AQP7: variants seen among roughly 807,000 people sequenced by gnomAD.
AQP7 encodes aquaporin-7.
Under a neutral mutation model 26.1 loss-of-function variants are expected in AQP7, and 22 were observed. The observed-to-expected ratio is 0.84, with a 90% confidence interval of 0.60 to 1.20. The LOEUF is 1.20. Ranked by LOEUF, AQP7 falls within the 50% of genes most tolerant of loss-of-function variation. AQP7 has a pLI of 0.00. For synonymous variants in AQP7, 167 were observed against 181.7 expected (o/e 0.92, Z 0.65); for missense variants, 412 against 457.5 (o/e 0.90, Z 0.91).
rs1824592017 is a variant in AQP7 at position 33,384,925 on chromosome 9, G to A, written c.*80C>T. ...CCAGGAGGGAAGCCCAACCACAGGA[G>A]GCCCCCAGGAAGTGGGGGTACTGCT... On this transcript the variant is annotated 3_prime_UTR_variant, in exon 8 of 8. Coordinates refer to ENST00000297988, the MANE Select transcript of AQP7 (RefSeq NM_001170.3). 13 of 1,467,758 alleles carry A rather than the reference G, an allele frequency of 8.9e-6. No homozygotes were observed. The highest frequency in any genetic ancestry group is 1.2e-5 in the Non-Finnish European group (13 of 1,079,738). 90.9% of individuals were successfully genotyped at this position (1,467,758 alleles called of 1,614,324 possible). A position where few individuals can be genotyped will look rare whatever the true frequency, so the allele number is the denominator to read the frequency against.
At position 33,395,086 on chromosome 9, in the gene AQP7, CAT is replaced by C; in HGVS notation, c.134_135del (p.Tyr45CysfsTer17). 1 of 1,612,520 alleles carries C rather than the reference CAT, an allele frequency of 6.2e-7. No homozygotes were observed. The highest frequency in any genetic ancestry group is 1.1e-5 in the South Asian group (1 of 91,046). On this transcript the variant is annotated frameshift_variant, in exon 3 of 8. Transcript: ENST00000297988. LOFTEE classifies it high-confidence loss of function. Reference protein sequence around the residue: ...REFLAEFMSTYVMMVFGLGSV... With the variant: ...REFLAEFMSTXVMMVFGLGSV... ...GCTGCCCACCCACTCACCATCATGA[CAT>C]ATGTGCTCATGAACTCGGCCAGGAA...
chr9:33,388,181 G>C (rs1219176295), intron 3 of AQP7, among the ~76,000 whole-genome samples: 7 of 152,240 alleles, frequency 4.6e-5, no homozygotes, highest in South Asian at 2.1e-4. Flanking sequence ...ATCCCCACTG[G>C]AACTCTCCTG....
intron 3 of AQP7, among the ~76,000 whole-genome samples, chr9:33,392,520 A>T (rs1825501938): frequency 6.6e-6 from 1 of 152,120 alleles, no homozygotes; most frequent in Non-Finnish European, 1.5e-5. Flanking sequence ...TTAGGTGCTC[A>T]ATGAAAATCT....
At position 33,384,807 on chromosome 9, in the gene AQP7, C is replaced by T. The variant is rs1824584702; in HGVS notation, c.*198G>A. On this transcript the variant is annotated 3_prime_UTR_variant, in exon 8 of 8. Coordinates refer to ENST00000297988, the MANE Select transcript of AQP7 (RefSeq NM_001170.3). ...AGGTCATCTCTTCCCCATTCTCCCC[C>T]TGGGGCACCCCAGTTCCCAGGGCAT... The T allele has an allele frequency of 3.2e-6, 2 of 625,154 alleles. No homozygotes were observed. Among genetic ancestry groups the T allele is most frequent in the East Asian group, 5.3e-5 (2 of 37,428 alleles). The allele number at this position is 625,154 out of a possible 1,614,324, so 38.7% of individuals were successfully genotyped here. A position where few individuals can be genotyped will look rare whatever the true frequency, so the allele number is the denominator to read the frequency against.
rs1824712673 is a variant in AQP7 at position 33,385,815 on chromosome 9, C to T, written c.577G>A (p.Glu193Lys). Residue 193 changes from glutamate to lysine, a missense_variant, in exon 7 of 8, where the codon GAG (glutamate) becomes AAG (lysine). Transcript: ENST00000297988. ...GTTCCTGGCAGTGCTGGGTTGTTCT[C>T]CTGGTCCGTGATGGCGAAGAGACAC... The part of the protein sequence containing the change: ...QLCLFAITDQ[E>K]NNPALPGTEA... 2 of 1,612,778 alleles carry T rather than the reference C, an allele frequency of 1.2e-6. No homozygotes were observed. The highest frequency in any genetic ancestry group is 1.7e-6 in the Non-Finnish European group (2 of 1,179,904).
rs542757882 is a variant in AQP7, at chr9:33,385,153, T to C, written c.881A>G (p.Glu294Gly). The C allele has an allele frequency of 6.2e-7, 1 of 1,611,910 alleles. No individual in the cohort carries two copies. Among genetic ancestry groups the C allele is most frequent in the South Asian group, 1.1e-5 (1 of 90,978 alleles). The change falls in exon 8 of 8, where the codon GAA (glutamate) becomes GGA (glycine). Residue 294 changes from glutamate (E) to glycine (G), a missense_variant. Physicochemically the swap from Glu to Gly is moderately conservative, Grantham distance 98. Transcript: ENST00000297988. ...GGGCAATACGGTTATCCCGTGGTCTTCATACGCCACAGAATCCTCCAATTT... is the reference window on the plus strand; with the variant it reads ...GGGCAATACGGTTATCCCGTGGTCTCCATACGCCACAGAATCCTCCAATTT... ...PLKLEDSVAYEDHGITVLPKM... is the reference protein window; with the variant it reads ...PLKLEDSVAYGDHGITVLPKM...
intron 3 of AQP7, among the ~76,000 whole-genome samples, chr9:33,394,486 C>CTTTTTTTTTTTTT (rs56966031): frequency 4.3e-5 from 5 of 115,110 alleles, no homozygotes; most frequent in Non-Finnish European, 5.6e-5. Context: ...CTCTCTCTCT[C>CTTTTTTTTTTTTT]TTTTTTTTTT....
At position 33,385,869 on chromosome 9, in the gene AQP7, G is replaced by A; in HGVS notation, c.526-3C>T. On this transcript the variant is annotated splice_polypyrimidine_tract_variant and splice_region_variant and intron_variant, in intron 6 of 7. Transcript: ENST00000297988. ...TGGAGCATCCCGGTCAGCCACGCCTGAGGAGCAGATGCTGTGGCAGCTCAC... is the reference window on the plus strand; with the variant it reads ...TGGAGCATCCCGGTCAGCCACGCCTAAGGAGCAGATGCTGTGGCAGCTCAC... 2 of 1,603,790 alleles carry A rather than the reference G, an allele frequency of 1.2e-6. No individual in the cohort carries two copies. The highest frequency in any genetic ancestry group is 1.7e-6 in the Non-Finnish European group (2 of 1,173,296).
Position 33,387,024 on chromosome 9 carries a change from G to A in AQP7, c.213C>T (p.Asn71=). 2 of 1,611,986 alleles carry A rather than the reference G, an allele frequency of 1.2e-6. No individual in the cohort carries two copies. The highest frequency in any genetic ancestry group is 2.2e-5 in the East Asian group (1 of 44,884). ...TGGTGACTCCGAAGCCAAAACCCAA[G>A]TTGACACCAAGGTAGCTCCCATATT... is the stretch of plus-strand genomic sequence containing the variant. ...NKKYGSYLGV[N]LGFGFGVTMG... Residue 71 remains asparagine, a synonymous_variant, in exon 4 of 8, where the codon AAC becomes AAT. Transcript: ENST00000297988.
rs774787164 is a variant in AQP7 at position 33,395,138 on chromosome 9, T to C, written c.84A>G (p.Ile28Met). The change falls in exon 3 of 8, where the codon ATA becomes ATG. Residue 28 changes from isoleucine (I) to methionine (M), a missense_variant. Physicochemically the swap from Ile to Met is conservative, Grantham distance 10. Coordinates refer to ENST00000297988, the MANE Select transcript of AQP7 (RefSeq NM_001170.3). ...SWSVIAKIQE[I>M]LQRKMVREFL... Reference sequence around the variant, plus strand: ...ACTCTCGCACCATCTTCCTCTGCAGTATTTCCTGGATCTTTGCTATCACGG... The same window carrying C: ...ACTCTCGCACCATCTTCCTCTGCAGCATTTCCTGGATCTTTGCTATCACGG... 1 of 1,613,924 alleles carries C rather than the reference T, an allele frequency of 6.2e-7. No individual in the cohort carries two copies.
intron 2 of AQP7, among the ~76,000 whole-genome samples, chr9:33,395,861 A>T (rs1294310761): frequency 6.6e-6 from 1 of 152,190 alleles, no homozygotes; most frequent in East Asian, 1.9e-4. Flanking sequence ...GAAGGACTGG[A>T]TCTACTTCCT....
At chr9:33,398,489 A>G (rs1182203481) in intron 2 of AQP7, among the ~76,000 whole-genome samples, 3 of 152,248 alleles carry the variant, frequency 2.0e-5, no homozygotes, top group African/African-American at 7.2e-5. Context: ...AGCCTGAGCC[A>G]CAGAGATGGC....
chr9:33,390,269 A>G (rs1825265450), intron 3 of AQP7, among the ~76,000 whole-genome samples: 1 of 152,010 alleles, frequency 6.6e-6, no homozygotes, highest in South Asian at 2.1e-4. Flanking sequence ...AGAGTAAAGT[A>G]CCTGAATAGG....
At chr9:33,399,522 A>G (rs902455778) in intron 2 of AQP7, among the ~76,000 whole-genome samples, 3 of 151,378 alleles carry the variant, frequency 2.0e-5, no homozygotes, top group East Asian at 1.9e-4. Context: ...AATCGCTTGA[A>G]CCCAAGAAGC....
intron 2 of AQP7, among the ~76,000 whole-genome samples, chr9:33,397,737 C>G (rs1825956780): frequency 6.6e-6 from 1 of 152,098 alleles, no homozygotes; most frequent in South Asian, 2.1e-4. Flanking sequence ...CCTCCACTGG[C>G]CCCCATCCAA....
rs569540100 is a variant in AQP7 at position 33,385,415 on chromosome 9, C to T, written c.744-125G>A. On this transcript the variant is annotated intron_variant, in intron 7 of 7. Coordinates refer to ENST00000297988, the MANE Select transcript of AQP7 (RefSeq NM_001170.3). ...AGGCTACCCCAGGAAACACCCCCAA[C>T]CCAGGGCCCTGGTCAGCCTCAGCCC... 174 of 1,185,874 alleles carry T rather than the reference C, an allele frequency of 1.5e-4. No individual in the cohort carries two copies. In the African/African-American group the frequency reaches 2.4e-3, roughly 16 times the overall value. The allele number at this position is 1,185,874 out of a possible 1,614,324, so 73.5% of individuals were successfully genotyped here. A position where few individuals can be genotyped will look rare whatever the true frequency, so the allele number is the denominator to read the frequency against.
At position 33,385,820 on chromosome 9, in the gene AQP7, T is replaced by A; in HGVS notation, c.572A>T (p.Asp191Val). Residue 191 changes from aspartate to valine, a missense_variant, in exon 7 of 8, where the codon GAC becomes GTC. Coordinates refer to ENST00000297988, the MANE Select transcript of AQP7 (RefSeq NM_001170.3). ...MLQLCLFAIT[D>V]QENNPALPGT... The stretch of plus-strand genomic sequence containing the variant: ...TGGCAGTGCTGGGTTGTTCTCCTGG[T>A]CCGTGATGGCGAAGAGACACAGCTG... 1 of 1,612,616 alleles carries A rather than the reference T, an allele frequency of 6.2e-7. No homozygotes were observed. Among genetic ancestry groups the A allele is most frequent in the Non-Finnish European group, 8.5e-7 (1 of 1,179,862 alleles).
rs764704048 is a variant in AQP7 at position 33,385,699 on chromosome 9, C to A, written c.693G>T (p.Leu231=). ...TGYAINPSRD[L]PPRIFTFIAG... ...CAATGAAGGTGAAGATGCGGGGGGGCAGGTCCCGGGACGGGTTGATGGCAT... is the reference window on the plus strand; with the variant it reads ...CAATGAAGGTGAAGATGCGGGGGGGAAGGTCCCGGGACGGGTTGATGGCAT... Residue 231 remains leucine (L), a synonymous_variant, in exon 7 of 8, where the codon CTG becomes CTT. Coordinates refer to ENST00000297988, the MANE Select transcript of AQP7 (RefSeq NM_001170.3). 6.2e-7 allele frequency: 1 copy of A among 1,613,916 alleles called. No individual in the cohort carries two copies. The highest frequency in any genetic ancestry group is 8.5e-7 in the Non-Finnish European group (1 of 1,180,028).
rs1564167543 is a variant in AQP7 at position 33,385,696 on chromosome 9, G to A, written c.696C>T (p.Pro232=). The A allele has an allele frequency of 1.2e-6, 2 of 1,613,954 alleles. No individual in the cohort carries two copies. Among genetic ancestry groups the A allele is most frequent in the Non-Finnish European group, 1.7e-6 (2 of 1,180,036 alleles). The change falls in exon 7 of 8, where the codon CCC becomes CCT. Residue 232 remains proline, a synonymous_variant. Transcript: ENST00000297988. ...GYAINPSRDL[P]PRIFTFIAGW... The stretch of plus-strand genomic sequence containing the variant: ...CAGCAATGAAGGTGAAGATGCGGGG[G>A]GGCAGGTCCCGGGACGGGTTGATGG...
Sources: gnomAD v4.1 joint callset for allele counts (sites outside exome capture counted in the v4.1 genomes callset) on GRCh38, gnomAD v4.1.1 for gene constraint, MANE v1.5 for transcripts, NCBI Gene and HGNC (gene_info 2026-07-23, HGNC 2026-07-21) for gene names.